Variants in DNAH6 observed in about 807,000 individuals in gnomAD.
DNAH6 encodes the protein axonemal beta dynein heavy chain 6.
A neutral mutation model predicts 491.4 loss-of-function variants in DNAH6; 340 were observed. The observed-to-expected ratio is 0.69, with a 90% CI of 0.63 to 0.76. The LOEUF is 0.76. DNAH6 is among the 30% of genes least tolerant of loss of function. The pLI, the probability that DNAH6 is intolerant of heterozygous loss-of-function variation, is 0.00. For synonymous variants in DNAH6, 1,603 were observed against 1,686.1 expected (o/e 0.95, Z 1.21); for missense variants, 4,443 against 4,972.2 (o/e 0.89, Z 3.20).
rs547590611 is a variant in DNAH6 at position 84,740,659 on chromosome 2, C to T, written c.10343-4421C>T. On this transcript the variant is annotated intron_variant, in intron 62 of 76. Transcript: ENST00000389394. The stretch of plus-strand genomic sequence containing the variant: ...GGGAGTGGAGTCTGCCTCCCTCCCA[C>T]GCCTCAGAGCTGGTGGGGCACTGTT... Among the ~76,000 whole-genome samples the T allele has an allele frequency of 2.4e-3, 365 of 152,264 alleles. 1 individual carries two copies. The highest frequency in any genetic ancestry group is 4.2e-3 in the Admixed American group (64 of 15,294).
rs1028715780 is a variant in DNAH6 at position 84,579,813 on chromosome 2, A to G, written c.2229+134A>G. 3.5e-5 allele frequency: 26 copies of G among 738,532 alleles called. No individual in the cohort carries two copies. The Middle Eastern group carries it at 1.9e-3, about 55-fold the overall frequency. The allele number at this position is 738,532 out of a possible 1,614,324, so 45.7% of individuals were successfully genotyped here. A position where few individuals can be genotyped will look rare whatever the true frequency, so the allele number is the denominator to read the frequency against. On this transcript the variant is annotated intron_variant, in intron 14 of 76. Coordinates refer to ENST00000389394, the MANE Select transcript of DNAH6 (RefSeq NM_001370.2). ...TCAGAAACACTTTCAAAGTAAGTGG[A>G]TGTTCTACATCACAGGAATAAAGCC...
chr2:84,696,635 C>T (rs1290787693), intron 46 of DNAH6, among the ~76,000 whole-genome samples: 2 of 151,702 alleles, frequency 1.3e-5, no homozygotes, highest in African/African-American at 4.8e-5. Context: ...ACAATTATAC[C>T]AAGTTCATTA....
chr2:84,586,161 A>G (rs920803923), intron 15 of DNAH6, among the ~76,000 whole-genome samples: 3 of 152,216 alleles, frequency 2.0e-5, no homozygotes, highest in Non-Finnish European at 4.4e-5. Flanking sequence ...TGAGAGGGCA[A>G]AGGGGTCTTC....
chr2:84,710,158 G>A, intron 55 of DNAH6, 129 bp from the exon 56 acceptor site: 3 of 1,217,530 alleles, frequency 2.5e-6, no homozygotes, highest in South Asian at 1.6e-5. Context: ...GGACAGGGGA[G>A]TACAGTTTAT....
chr2:84,512,894 T>C (rs1015756906), upstream of DNAH6, among the ~76,000 whole-genome samples: 2 of 152,232 alleles, frequency 1.3e-5, no homozygotes, highest in Admixed American at 6.5e-5. Flanking sequence ...ATGTCTCTTA[T>C]AGACAATGTG....
chr2:84,763,713 G>GGT (rs1674802239), intron 64 of DNAH6, among the ~76,000 whole-genome samples: 1 of 104,224 alleles, frequency 9.6e-6, no homozygotes, highest in African/African-American at 3.6e-5. Flanking sequence ...GAACTGATAG[G>GGT]ATGTGTGTGT....
Position 84,547,372 on chromosome 2 carries a change from T to G in DNAH6, c.1035T>G (p.Phe345Leu). Residue 345 changes from phenylalanine (F) to leucine (L), a missense_variant, in exon 6 of 77, where the codon TTT becomes TTG. Around this residue, in one of 3 missense-constraint regions of DNAH6, gnomAD observed 2,977 missense variants for 3,296.6 expected, o/e 0.90. Transcript: ENST00000389394. ...GTCACACCTACACCCTGCAGGAATT[T>G]AAGGCCGCACAAGTCATACGGCTAG... The part of the protein sequence containing the change: ...EKCHTYTLQE[F>L]KAAQVIRLAE... 1 of 1,551,822 alleles carries G rather than the reference T, an allele frequency of 6.4e-7. No individual in the cohort carries two copies. Among genetic ancestry groups the G allele is most frequent in the Non-Finnish European group, 8.7e-7 (1 of 1,146,962 alleles).
chr2:84,807,609 T>G (rs7573165), intron 71 of DNAH6, among the ~76,000 whole-genome samples: 1 of 152,130 alleles, frequency 6.6e-6, no homozygotes, highest in African/African-American at 2.4e-5. Flanking sequence ...TAAACGCTTG[T>G]ATGGTAGAGG....
rs1166166746 is a variant in DNAH6, at chr2:84,701,085, C to T, written c.7819-12C>T. 6.5e-7 allele frequency: 1 copy of T among 1,543,420 alleles called. No individual in the cohort carries two copies. The highest frequency in any genetic ancestry group is 2.5e-5 in the East Asian group (1 of 40,678). ...ACACAACAGATTTTCTAGATTTTTC[C>T]TTGATTCACAGTGGCCCAGAGAAGC... On this transcript the variant is annotated splice_polypyrimidine_tract_variant and intron_variant, in intron 48 of 76. Transcript: ENST00000389394.
In DNAH6 at chr2:84,705,519, T is replaced by A. The variant is rs1696344584; in HGVS notation, c.8499T>A (p.Gly2833=). 6.5e-7 allele frequency: 1 copy of A among 1,549,938 alleles called. No individual in the cohort carries two copies. Among genetic ancestry groups the A allele is most frequent in the Non-Finnish European group, 8.7e-7 (1 of 1,146,312 alleles). The change falls in exon 52 of 77, where the codon GGT becomes GGA. Residue 2833 remains glycine, a synonymous_variant. Coordinates refer to ENST00000389394, the MANE Select transcript of DNAH6 (RefSeq NM_001370.2). The part of the protein sequence containing the change: ...PDWPSAKQLL[G]DSNFLKRLLE... ...GGCCATCAGCAAAGCAACTTCTTGG[T>A]GACTCTAACTTTCTAAAAAGGCTTT...
intron 40 of DNAH6, among the ~76,000 whole-genome samples, chr2:84,672,996 C>G (rs562116032): frequency 2.6e-5 from 4 of 152,190 alleles, no homozygotes; most frequent in African/African-American, 4.8e-5. Context: ...ACAAGTGAAA[C>G]AGTCCCTGCC....
chr2:84,715,942 C>G (rs900058446), intron 58 of DNAH6, among the ~76,000 whole-genome samples: 1 of 152,044 alleles, frequency 6.6e-6, no homozygotes, highest in Non-Finnish European at 1.5e-5. Flanking sequence ...AGCAAGTGAA[C>G]GAAGTCAGTC....
chr2:84,593,808 T>G (rs1684327632), intron 16 of DNAH6, among the ~76,000 whole-genome samples, 164 bp from the exon 17 acceptor site: 1 of 128,298 alleles, frequency 7.8e-6, no homozygotes, highest in Non-Finnish European at 1.5e-5. Flanking sequence ...TTTGTGGAGT[T>G]TTTTTTTTTT....
At chr2:84,611,604 G>T (rs1686341966) in intron 21 of DNAH6, 70 bp from the exon 22 acceptor site, 8 of 1,333,400 alleles carry the variant, frequency 6.0e-6, no homozygotes, top group South Asian at 5.4e-5. Flanking sequence ...CCTGTGTCAT[G>T]ATTTTTACTG....
intron 68 of DNAH6, among the ~76,000 whole-genome samples, chr2:84,789,476 C>T (rs888008526): frequency 5.3e-5 from 8 of 152,170 alleles, no homozygotes; most frequent in African/African-American, 1.4e-4. Context: ...GGAGATGGAA[C>T]ATGGCTTTAC....
chr2:84,612,048 C>CT (rs942965147), intron 22 of DNAH6, among the ~76,000 whole-genome samples, 194 bp downstream of exon 22: 2 of 151,824 alleles, frequency 1.3e-5, no homozygotes, highest in Admixed American at 6.6e-5. Flanking sequence ...GAACACTGGA[C>CT]TTTTTTTTAT....
chr2:84,713,275 C>G lies in DNAH6; in HGVS notation c.9543+16C>G, dbSNP rs751734101. On this transcript the variant is annotated intron_variant, in intron 57 of 76. Transcript: ENST00000389394. ...TCTGCCTGAGGTATGAACTACTGGT[C>G]TGGAATTCTCAACTTAACTGGATTA... The G allele has an allele frequency of 2.1e-5, 33 of 1,546,668 alleles. No homozygotes were observed. Among genetic ancestry groups the G allele is most frequent in the Non-Finnish European group, 2.9e-5 (33 of 1,144,026 alleles).
intron 4 of DNAH6, among the ~76,000 whole-genome samples, chr2:84,531,147 G>A (rs1677130445): frequency 6.6e-6 from 1 of 152,114 alleles, no homozygotes; most frequent in Admixed American, 6.6e-5. Context: ...ATAGGTAGAT[G>A]AGAGACATTC....
chr2:84,467,938 T>G, the DNAH6 span, among the ~76,000 whole-genome samples: 2 of 152,298 alleles, frequency 1.3e-5, no homozygotes, highest in Non-Finnish European at 2.9e-5. Flanking sequence ...TAATCTGACC[T>G]GCATAATTTA....
Sources: allele counts gnomAD v4.1 joint callset (sites outside exome capture counted in the v4.1 genomes callset), GRCh38; gene constraint gnomAD v4.1.1; regional missense constraint gnomAD v4.1.1; transcripts MANE v1.5; gene names NCBI Gene and HGNC (gene_info 2026-07-23, HGNC 2026-07-21).